The following CSMD3 variants were observed in gnomAD, a reference collection of about 807,000 sequenced individuals.
CSMD3 encodes CUB and Sushi multiple domains 3.
Under a neutral mutation model 435.2 loss-of-function variants are expected in CSMD3, and 177 were observed. That is an observed-to-expected ratio of 0.41 (90% CI 0.36 to 0.46). The LOEUF is 0.46. Among genes scored for constraint, CSMD3 ranks in the 20% least tolerant of loss-of-function variants. CSMD3 has a pLI of 0.34. For missense variants in CSMD3, 4,265 were observed against 4,504.6 expected, an observed-to-expected ratio of 0.95 and a Z score of 1.52; for synonymous variants, 1,656 against 1,520.5, an observed-to-expected ratio of 1.09 and a Z score of -2.07.
At chr8:112,461,441 A>G (rs1817437194) in intron 32 of CSMD3, among the ~76,000 whole-genome samples, 1 of 152,050 alleles carries the variant, frequency 6.6e-6, no homozygotes, top group Non-Finnish European at 1.5e-5. Context: ...TTTTCTTTTT[A>G]TTATTTCAAA....
At chr8:112,993,787 C>A (rs1480484553) in intron 6 of CSMD3, among the ~76,000 whole-genome samples, 1 of 151,586 alleles carries the variant, frequency 6.6e-6, no homozygotes, top group Non-Finnish European at 1.5e-5. Flanking sequence ...CAAAAAGGGG[C>A]CAACCATATG....
At position 112,492,518 on chromosome 8, in the gene CSMD3, C is replaced by T. The variant is rs1820799641; in HGVS notation, c.5249G>A (p.Gly1750Glu). 3 of 1,614,014 alleles carry T rather than the reference C, an allele frequency of 1.9e-6. No homozygotes were observed. The highest frequency in any genetic ancestry group is 4.5e-5 in the East Asian group (2 of 44,854). ...ACAACTTGGCAAGGCTCTATTCCAT[C>T]CAGGTCTTCCATCATCTCCCATGAT... ...TCIMGDDGRP[G>E]WNRALPSCHA... The change falls in exon 31 of 71, where the codon GGA becomes GAA. Residue 1750 changes from glycine to glutamate, a missense_variant. By Grantham distance (98) the Gly-to-Glu change is moderately conservative. Transcript: ENST00000297405.
chr8:112,341,375 T>G, intron 42 of CSMD3, 102 bp downstream of exon 42: 1 of 851,538 alleles, frequency 1.2e-6, no homozygotes, highest in Non-Finnish European at 1.8e-6. Context: ...TTTTTTTTTT[T>G]TCTTTCTAAA....
At chr8:112,543,364 C>A (rs1028935347) in intron 27 of CSMD3, among the ~76,000 whole-genome samples, 1 of 151,852 alleles carries the variant, frequency 6.6e-6, no homozygotes, top group African/African-American at 2.4e-5. Flanking sequence ...GATCAATATC[C>A]AAAAGACATA....
intron 32 of CSMD3, among the ~76,000 whole-genome samples, chr8:112,468,233 T>TG (rs1563575961): frequency 1.2e-4 from 15 of 124,934 alleles, no homozygotes; most frequent in South Asian, 9.2e-4. Context: ...TTGCCTAAAG[T>TG]ATTTTTTTTT....
At chr8:113,102,359 T>G (rs149574856) in intron 4 of CSMD3, among the ~76,000 whole-genome samples, 21 of 152,258 alleles carry the variant, frequency 1.4e-4, no homozygotes, top group Admixed American at 1.3e-3. Context: ...CATTTTGTCA[T>G]CTGTCCAAAA....
At chr8:112,706,843 G>A (rs962386765) in intron 13 of CSMD3, among the ~76,000 whole-genome samples, 1 of 151,934 alleles carries the variant, frequency 6.6e-6, no homozygotes, top group African/African-American at 2.4e-5. Flanking sequence ...ACTTTCTTAG[G>A]AGTTTATAAT....
intron 3 of CSMD3, among the ~76,000 whole-genome samples, chr8:113,278,210 C>G (rs1162008137): frequency 6.6e-6 from 1 of 151,758 alleles, no homozygotes; most frequent in African/African-American, 2.4e-5. Context: ...TTCTGAACTT[C>G]TTCTCTTGAC....
intron 2 of CSMD3, among the ~76,000 whole-genome samples, chr8:113,308,779 C>A (rs1358322586): frequency 6.6e-6 from 1 of 152,072 alleles, no homozygotes; most frequent in Non-Finnish European, 1.5e-5. Context: ...TATAAGTGAA[C>A]TTTACCACCT....
At chr8:113,155,979 C>A (rs1348937102) in intron 4 of CSMD3, among the ~76,000 whole-genome samples, 1 of 151,752 alleles carries the variant, frequency 6.6e-6, no homozygotes, top group Non-Finnish European at 1.5e-5. Flanking sequence ...TTTTTAATTC[C>A]TGGAATCAAG....
intron 32 of CSMD3, among the ~76,000 whole-genome samples, chr8:112,417,787 G>A (rs1483359387): frequency 6.6e-6 from 1 of 152,050 alleles, no homozygotes; most frequent in African/African-American, 2.4e-5. Context: ...CTTTGTTTTT[G>A]TTTACTCCCT....
At chr8:113,416,516 G>A (rs1020411222) in intron 1 of CSMD3, among the ~76,000 whole-genome samples, 8 of 152,040 alleles carry the variant, frequency 5.3e-5, no homozygotes, top group Middle Eastern at 3.2e-3. Flanking sequence ...TTATATAAAG[G>A]ATGCCAGTTT....
intron 2 of CSMD3, among the ~76,000 whole-genome samples, chr8:113,305,849 T>C (rs1020536742): frequency 6.6e-6 from 1 of 152,248 alleles, no homozygotes; most frequent in African/African-American, 2.4e-5. Context: ...GCTTTTTTTC[T>C]AATTCACTTG....
At chr8:112,287,683 A>G (rs1489021569) in intron 57 of CSMD3, among the ~76,000 whole-genome samples, 1 of 152,114 alleles carries the variant, frequency 6.6e-6, no homozygotes, top group Non-Finnish European at 1.5e-5. Flanking sequence ...TGTTTTTGTT[A>G]AAGTAGAACT....
intron 9 of CSMD3, among the ~76,000 whole-genome samples, chr8:112,934,932 T>A (rs1048005093): frequency 3.3e-5 from 5 of 152,168 alleles, no homozygotes; most frequent in African/African-American, 1.2e-4. Flanking sequence ...TTTTCTGATT[T>A]TGTTTTTTTG....
intron 38 of CSMD3, among the ~76,000 whole-genome samples, chr8:112,360,217 C>T (rs1239873870): frequency 6.6e-6 from 1 of 151,806 alleles, no homozygotes; most frequent in African/African-American, 2.4e-5. Flanking sequence ...CTGAGAAGGC[C>T]AAATTTTGTA....
intron 22 of CSMD3, among the ~76,000 whole-genome samples, chr8:112,633,947 T>A (rs994594237): frequency 4.6e-5 from 7 of 152,096 alleles, no homozygotes; most frequent in Admixed American, 4.6e-4. Flanking sequence ...AGGAAAAGAA[T>A]GTTTAGATTC....
intron 13 of CSMD3, among the ~76,000 whole-genome samples, chr8:112,702,193 A>T (rs899001646): frequency 6.6e-6 from 1 of 152,142 alleles, no homozygotes; most frequent in African/African-American, 2.4e-5. Context: ...GGACCCCAAA[A>T]GTTAAAGGAT....
chr8:112,664,180 T>G (rs1427378420), intron 17 of CSMD3, among the ~76,000 whole-genome samples: 1 of 152,168 alleles, frequency 6.6e-6, no homozygotes, highest in Non-Finnish European at 1.5e-5. Flanking sequence ...ACATATTATA[T>G]AAATATATAT....
Sources: gnomAD v4.1 joint callset for allele counts (sites outside exome capture counted in the v4.1 genomes callset) on GRCh38, gnomAD v4.1.1 for gene constraint, MANE v1.5 for transcripts, NCBI Gene and HGNC (gene_info 2026-07-23, HGNC 2026-07-21) for gene names.